The following PHYH variants were observed in gnomAD, a reference collection of about 807,000 sequenced individuals.
The protein encoded by PHYH is phytanoyl-CoA dioxygenase, peroxisomal.
Under a neutral mutation model 38.5 loss-of-function variants are expected in PHYH, and 32 were observed. The observed-to-expected ratio is 0.83, with a 90% CI of 0.63 to 1.12. The LOEUF (loss-of-function observed/expected upper bound fraction) is 1.12, where lower values mean the gene tolerates loss of function less well. PHYH is among the 50% of genes most tolerant of loss of function. The pLI is 0.00. For missense variants in PHYH, 426 were observed against 434.8 expected (o/e 0.98, Z 0.18); for synonymous variants, 166 against 157.9 (o/e 1.05, Z -0.38).
intron 8 of PHYH, among the ~76,000 whole-genome samples, chr10:13,280,203 G>A (rs574227992): frequency 6.6e-6 from 1 of 152,338 alleles, no homozygotes; most frequent in Admixed American, 6.5e-5. Context: ...TCCTGACCTT[G>A]TGATCTGCCT....
rs1588520876 is a variant in PHYH, at chr10:13,299,663, G to A, written c.75+305C>T. 3.3e-6 allele frequency: 4 copies of A among 1,198,264 alleles called. No homozygotes were observed. In the Admixed American group the frequency reaches 1.5e-4, roughly 44 times the overall value. 74.2% of individuals were successfully genotyped at this position (1,198,264 alleles called of 1,614,324 possible). A position where few individuals can be genotyped will look rare whatever the true frequency, so the allele number is the denominator to read the frequency against. The stretch of plus-strand genomic sequence containing the variant: ...CTCTGGACAGCTGCCGGGGTCACGC[G>A]CCGCCGGTGAAACGACGTCTCCACA... On this transcript the variant is annotated intron_variant, in intron 1 of 8. Coordinates refer to ENST00000263038, the MANE Select transcript of PHYH (RefSeq NM_006214.4).
Position 13,283,694 on chromosome 10 carries a change from C to T in PHYH, c.824G>A (p.Arg275Gln), listed in dbSNP as rs104894174. The change falls in exon 7 of 9, where the codon CGG (arginine) becomes CAG (glutamine). Residue 275 changes from arginine (R) to glutamine (Q), a missense_variant. Transcript: ENST00000263038. ...GSGQNKTQGF[R>Q]KAISCHFASA... ...TGCAGCAATGTGAATGCTTACCTTC[C>T]GGAATCCCTGGGTTTTATTCTGACC... The T allele has an allele frequency of 1.1e-5, 18 of 1,613,922 alleles. No individual in the cohort carries two copies. The highest frequency in any genetic ancestry group is 1.6e-4 in the Middle Eastern group (1 of 6,084).
At chr10:13,298,006 C>A (rs952469754) in intron 2 of PHYH, among the ~76,000 whole-genome samples, 181 bp downstream of exon 2, 1 of 151,950 alleles carries the variant, frequency 6.6e-6, no homozygotes, top group African/African-American at 2.4e-5. Flanking sequence ...AAAATACATA[C>A]AGAAAATTAG....
chr10:13,298,253 G>T lies in PHYH; in HGVS notation c.76-8C>A, dbSNP rs374515217. On this transcript the variant is annotated splice_region_variant and splice_polypyrimidine_tract_variant and intron_variant, in intron 1 of 8. Transcript: ENST00000263038. ...TGAAGTGGGATGAGCTACCTAGGAT[G>T]TGAATTAAGGCAAATAAAGTAAAAT... The T allele has an allele frequency of 6.3e-7, 1 of 1,581,930 alleles. No homozygotes were observed. The highest frequency in any genetic ancestry group is 1.1e-5 in the South Asian group (1 of 90,502).
intron 1 of PHYH, 96 bp downstream of exon 1, chr10:13,299,872 G>T: frequency 1.4e-6 from 2 of 1,389,988 alleles, no homozygotes; most frequent in Non-Finnish European, 1.9e-6. Context: ...GCTGCGAAGC[G>T]TGCGACCCCG....
chr10:13,291,635 T>C, intron 5 of PHYH, 196 bp downstream of exon 5: 2 of 576,528 alleles, frequency 3.5e-6, no homozygotes, highest in Non-Finnish European at 6.2e-6. Context: ...CATACCACCA[T>C]GCCTGGATAT....
chr10:13,295,468 T>C, intron 3 of PHYH, 28 bp downstream of exon 3: 1 of 1,075,702 alleles, frequency 9.3e-7, no homozygotes, highest in Non-Finnish European at 1.5e-6. Flanking sequence ...TACATACTAT[T>C]GTAAAATAAC....
intron 7 of PHYH, among the ~76,000 whole-genome samples, chr10:13,281,360 T>G (rs928442349): frequency 6.6e-6 from 1 of 151,916 alleles, no homozygotes; most frequent in Non-Finnish European, 1.5e-5. Context: ...AAGGTATATA[T>G]GGGAGAGGGA....
intron 2 of PHYH, among the ~76,000 whole-genome samples, chr10:13,297,905 G>C (rs1832609914): frequency 6.6e-6 from 1 of 151,666 alleles, no homozygotes; most frequent in Non-Finnish European, 1.5e-5. Context: ...CACCAGCCTG[G>C]GCAACATAGG....
chr10:13,288,112 G>A (rs1835599953), intron 6 of PHYH, among the ~76,000 whole-genome samples: 1 of 152,092 alleles, frequency 6.6e-6, no homozygotes. Flanking sequence ...CCTGGGAGTT[G>A]GAGGTTGCAG....
chr10:13,283,835 C>G lies in PHYH; in HGVS notation c.683G>C (p.Gly228Ala), dbSNP rs768919554. 5 of 1,613,040 alleles carry G rather than the reference C, an allele frequency of 3.1e-6. No individual in the cohort carries two copies. Among genetic ancestry groups the G allele is most frequent in the East Asian group, 2.2e-5 (1 of 44,876 alleles). Residue 228 changes from glycine to alanine, a missense_variant, in exon 7 of 9, where the codon GGA becomes GCA. Physicochemically the swap from Gly to Ala is moderately conservative, Grantham distance 60 (BLOSUM62 0). Coordinates refer to ENST00000263038, the MANE Select transcript of PHYH (RefSeq NM_006214.4). Reference protein sequence around the residue: ...KPHDYPKWEGGVNKMFHGIQD... With the variant: ...KPHDYPKWEGAVNKMFHGIQD... ...GATCCCGTGGAACATTTTGTTAACTCCCCCCTAGAACAAGAGGCAAGTGAA... is the reference window on the plus strand; with the variant it reads ...GATCCCGTGGAACATTTTGTTAACTGCCCCCTAGAACAAGAGGCAAGTGAA...
intron 7 of PHYH, among the ~76,000 whole-genome samples, chr10:13,283,331 G>C (rs1048761423): frequency 1.3e-5 from 2 of 151,738 alleles, no homozygotes; most frequent in African/African-American, 4.8e-5. Flanking sequence ...GGGTTTCACT[G>C]TGTTAGCCAG....
chr10:13,283,453 G>A (rs1019352515), intron 7 of PHYH, among the ~76,000 whole-genome samples: 3 of 151,992 alleles, frequency 2.0e-5, no homozygotes, highest in African/African-American at 7.3e-5. Flanking sequence ...ACAAGGTTAG[G>A]ATCCTGAGGT....
chr10:13,279,898 C>T (rs1455025510), intron 8 of PHYH, among the ~76,000 whole-genome samples: 1 of 152,208 alleles, frequency 6.6e-6, no homozygotes, highest in Non-Finnish European at 1.5e-5. Flanking sequence ...TTTCTAGGAC[C>T]TGCAAATGCA....
intron 7 of PHYH, among the ~76,000 whole-genome samples, chr10:13,283,191 C>T (rs971055247): frequency 7.0e-6 from 1 of 142,766 alleles, no homozygotes; most frequent in South Asian, 2.2e-4. Flanking sequence ...TGCAGTGGCG[C>T]GATCTCGGCT....
At chr10:13,287,418 C>G (rs760388479) in intron 6 of PHYH, among the ~76,000 whole-genome samples, 2 of 152,158 alleles carry the variant, frequency 1.3e-5, no homozygotes, top group Non-Finnish European at 2.9e-5. Context: ...AGTTCCCATT[C>G]TTCCCCCAAA....
chr10:13,296,059 C>G (rs575734677), intron 2 of PHYH, among the ~76,000 whole-genome samples: 2 of 151,046 alleles, frequency 1.3e-5, no homozygotes, highest in Admixed American at 1.3e-4. Context: ...TCCCAGCTAC[C>G]CGGGAGGTTG....
chr10:13,282,279 G>A lies in PHYH; in HGVS notation c.829-1169C>T, dbSNP rs1252031470. Among the ~76,000 whole-genome samples the A allele has an allele frequency of 1.3e-5, 2 of 151,724 alleles. 1 individual carries two copies. The highest frequency in any genetic ancestry group is 1.3e-4 in the Admixed American group (2 of 15,210). ...TAAATATATAAACAAATAATAAAAT[G>A]TTTTAAAATAAAAGCATTAAAAAAC... On this transcript the variant is annotated intron_variant, in intron 7 of 8. Coordinates refer to ENST00000263038, the MANE Select transcript of PHYH (RefSeq NM_006214.4).
intron 5 of PHYH, among the ~76,000 whole-genome samples, chr10:13,289,691 G>A (rs1433899349): frequency 1.3e-5 from 2 of 152,020 alleles, no homozygotes; most frequent in South Asian, 2.1e-4. Flanking sequence ...CAGCACCTTG[G>A]GAGGCTGAGG....
Sources: gnomAD v4.1 joint callset for allele counts (sites outside exome capture counted in the v4.1 genomes callset) on GRCh38, gnomAD v4.1.1 for gene constraint, MANE v1.5 for transcripts, NCBI Gene and HGNC (gene_info 2026-07-23, HGNC 2026-07-21) for gene names.